ZNF177: variants seen among roughly 807,000 people sequenced by gnomAD.
ZNF177 encodes zinc finger protein 177.
Under a neutral mutation model 19.4 loss-of-function variants are expected in ZNF177, and 17 were observed. That is an observed-to-expected ratio of 0.87 (90% CI 0.60 to 1.31). The LOEUF (loss-of-function observed/expected upper bound fraction) is 1.31, where lower values mean the gene tolerates loss of function less well. Ranked by LOEUF, ZNF177 falls within the 40% of genes most tolerant of loss-of-function variation. The probability of loss-of-function intolerance (pLI) is 0.00; values close to 1 mark genes in which losing one functional copy is unlikely to be tolerated. For synonymous variants in ZNF177, 220 were observed against 188.7 expected (o/e 1.17, Z -1.36); for missense variants, 633 against 561.8 (o/e 1.13, Z -1.28).
upstream of ZNF177, chr19:9,376,169 C>G (rs2068106829): frequency 6.6e-6 from 1 of 152,176 alleles, no homozygotes; most frequent in Non-Finnish European, 1.5e-5. Flanking sequence ...GATAGGGTCT[C>G]TGTCACCCAG....
intron 1 of ZNF177, among the ~76,000 whole-genome samples, chr19:9,377,285 TAATG>T (rs1320309346): frequency 1.3e-5 from 2 of 152,202 alleles, no homozygotes; most frequent in African/African-American, 2.4e-5. Context: ...CAGTACATAA[TAATG>T]AATAGTAATA....
chr19:9,379,988 TCTCC>T (rs1181927242), intron 4 of ZNF177, 65 bp from the exon 7 acceptor site: 1 of 1,540,748 alleles, frequency 6.5e-7, no homozygotes, highest in Non-Finnish European at 8.8e-7. Flanking sequence ...ATCCATAGGG[TCTCC>T]CTCCCTTTTT....
chr19:9,375,250 TGAG>T (rs993826906), upstream of ZNF177, among the ~76,000 whole-genome samples: 15 of 152,340 alleles, frequency 9.8e-5, no homozygotes, highest in Middle Eastern at 3.4e-3. Flanking sequence ...AGTATTTTAT[TGAG>T]GAGTTTTGCA....
At chr19:9,367,192 C>T (rs1835986) in intron 2 of ZNF177, among the ~76,000 whole-genome samples, 85,500 of 151,840 alleles carry the variant, frequency 0.56, 24,305 homozygotes, top group Middle Eastern at 0.63. Flanking sequence ...TGGTGGCACG[C>T]GTCTGTAGTC....
chr19:9,365,891 C>T (rs2067972208), intron 2 of ZNF177, among the ~76,000 whole-genome samples: 1 of 152,154 alleles, frequency 6.6e-6, no homozygotes, highest in African/African-American at 2.4e-5. Context: ...ATTGATGTTC[C>T]TTGGCTGGTC....
At chr19:9,380,572 C>A in intron 5 of ZNF177, 96 bp from the exon 8 acceptor site, 1 of 1,535,030 alleles carries the variant, frequency 6.5e-7, no homozygotes. Flanking sequence ...TGATCATGTG[C>A]TTCCTATATA....
At chr19:9,364,076 C>T (rs2067944331) in intron 1 of ZNF177, among the ~76,000 whole-genome samples, 1 of 152,152 alleles carries the variant, frequency 6.6e-6, no homozygotes, top group Non-Finnish European at 1.5e-5. Flanking sequence ...GCAACCATGA[C>T]TACAATCTAA....
rs771147814 is a variant in ZNF177, at chr19:9,381,553, G to A, written c.1222G>A (p.Gly408Ser). Residue 408 changes from glycine (G) to serine (S), a missense_variant, in exon 6 of 6, where the codon GGC becomes AGC. Physicochemically the swap from Gly to Ser is moderately conservative, Grantham distance 56. Transcript: ENST00000589262. The stretch of plus-strand genomic sequence containing the variant: ...CCAGTGTGGAAAGTCCTTCAGCACA[G>A]GCTCTTACCTTATTGTGCACAAGAG... 3.1e-6 allele frequency: 5 copies of A among 1,613,602 alleles called. No homozygotes were observed. The Admixed American group carries it at 8.3e-5, about 27-fold the overall frequency.
At chr19:9,372,378 T>C (rs2068056769), upstream of ZNF177, among the ~76,000 whole-genome samples, 2 of 152,046 alleles carry the variant, frequency 1.3e-5, no homozygotes, top group South Asian at 4.1e-4. Flanking sequence ...TTTACTTTCT[T>C]TTTAAAAAAC....
At chr19:9,378,403 C>T in intron 2 of ZNF177, 59 bp downstream of exon 4, 1 of 1,606,910 alleles carries the variant, frequency 6.2e-7, no homozygotes, top group Non-Finnish European at 8.5e-7. Context: ...AAGAACACAT[C>T]TCTTGCCCCT....
rs543209026 is a variant in ZNF177 at position 9,380,849 on chromosome 19, A to G, written c.518A>G (p.Glu173Gly). The stretch of plus-strand genomic sequence containing the variant: ...AGTCATGTGAGCATTCACATTGGAG[A>G]GAAAACTCTTGAATTTACTGATTGT... Residue 173 changes from glutamate (E) to glycine (G), a missense_variant, in exon 6 of 6, where the codon GAG (glutamate) becomes GGG (glycine). Glu to Gly is a moderately conservative substitution (Grantham distance 98, BLOSUM62 -2). Coordinates refer to ENST00000589262, the Ensembl canonical transcript of ZNF177. 1,313 of 1,536,144 alleles carry G rather than the reference A, an allele frequency of 8.5e-4. 18 individuals are homozygous for G. The South Asian group carries it at 0.015, about 17-fold the overall frequency.
chr19:9,369,975 A>G lies in ZNF177; in HGVS notation c.-304-1635A>G, dbSNP rs534065916. Among the ~76,000 whole-genome samples, 4 of 152,246 alleles carry G rather than the reference A, an allele frequency of 2.6e-5. No homozygotes were observed. The South Asian group carries it at 6.2e-4, about 24-fold the overall frequency. On this transcript the variant is annotated intron_variant, in intron 2 of 8. Transcript: ENST00000343499. ...ATTTTATATAATAAAGGTTTGCTTA[A>G]TTTTATCCATTTTACCTTTGTTCAT...
chr19:9,382,059 TTC>T (rs1406667385), exon 6 of ZNF177: 11 of 441,422 alleles, frequency 2.5e-5, no homozygotes, highest in Non-Finnish European at 3.5e-5. Context: ...AATATGTAGA[TTC>T]TGTGTGACAT....
chr19:9,382,381 C>T (rs927230694), downstream of ZNF177: 20 of 398,542 alleles, frequency 5.0e-5, no homozygotes, highest in Non-Finnish European at 8.0e-5. Context: ...CCCTTATTTC[C>T]TAGAAAATAT....
chr19:9,365,137 C>T (rs2067959850), intron 2 of ZNF177, among the ~76,000 whole-genome samples, 189 bp downstream of exon 2: 1 of 152,128 alleles, frequency 6.6e-6, no homozygotes, highest in Middle Eastern at 3.4e-3. Context: ...TCCAGTGGGT[C>T]TTTGCTGAGA....
chr19:9,377,871 C>T (rs974085272), intron 1 of ZNF177, among the ~76,000 whole-genome samples: 3 of 152,066 alleles, frequency 2.0e-5, no homozygotes, highest in Non-Finnish European at 4.4e-5. Flanking sequence ...CAATGAGGAA[C>T]GTGAGGGTGT....
chr19:9,379,247 T>C, intron 3 of ZNF177, 159 bp downstream of exon 5: 1 of 1,264,552 alleles, frequency 7.9e-7, no homozygotes, highest in East Asian at 2.6e-5. Flanking sequence ...CCCATGAAAA[T>C]GCACTGATTT....
At position 9,365,946 on chromosome 19, in the gene ZNF177, A is replaced by G. The variant is rs543866468; in HGVS notation, c.-305+998A>G. Among the ~76,000 whole-genome samples, 67 of 152,224 alleles carry G rather than the reference A, an allele frequency of 4.4e-4. 1 individual carries two copies. Among genetic ancestry groups the G allele is most frequent in the African/African-American group, 1.6e-3 (66 of 41,532 alleles). Reference sequence around the variant, plus strand: ...ATAGGTGGATCTTTCTCACAGAGCAAAGAGCAGGAGGATAGGGGATTGATC... The same window carrying G: ...ATAGGTGGATCTTTCTCACAGAGCAGAGAGCAGGAGGATAGGGGATTGATC... On this transcript the variant is annotated intron_variant, in intron 2 of 8. Coordinates refer to the ZNF177 transcript ENST00000343499.
intron 2 of ZNF177, among the ~76,000 whole-genome samples, chr19:9,366,571 T>A (rs2067982939): frequency 1.3e-5 from 2 of 152,226 alleles, no homozygotes; most frequent in South Asian, 4.1e-4. Context: ...TTTTCTATTG[T>A]CAAATGATAG....
Sources: allele counts gnomAD v4.1 joint callset (sites outside exome capture counted in the v4.1 genomes callset), GRCh38; gene constraint gnomAD v4.1.1; transcripts MANE v1.5; gene names NCBI Gene and HGNC (gene_info 2026-07-23, HGNC 2026-07-21).